Variants in ZNF254 observed in about 807,000 individuals in gnomAD.
The protein encoded by ZNF254 is CTD-2017D11.1.
In ZNF254, 10 loss-of-function variants were observed where a neutral mutation model predicts 12.4. The ratio of observed to expected loss-of-function variants is 0.80; its 90% CI spans 0.50 to 1.36. ZNF254 has a LOEUF of 1.36. Among genes scored for constraint, ZNF254 ranks in the 40% most tolerant of loss-of-function variants. ZNF254 has a pLI of 0.00. For missense variants in ZNF254, 996 were observed against 763.9 expected (o/e 1.30, Z -3.58); for synonymous variants, 305 against 253.4 (o/e 1.20, Z -1.93).
rs1974825247 is a variant in ZNF254 at position 24,126,249 on chromosome 19, T to G, written c.254-5T>G. On this transcript the variant is annotated splice_region_variant and splice_polypyrimidine_tract_variant and intron_variant, in intron 3 of 3. Coordinates refer to ENST00000357002, the MANE Select transcript of ZNF254 (RefSeq NM_203282.4). ...GTAATTTATTTATTTTTATTTTTTT[T>G]TCAGGTATGTGTCCTCATTTTGCTC... 7.0e-7 allele frequency: 1 copy of G among 1,420,652 alleles called. No homozygotes were observed. The highest frequency in any genetic ancestry group is 2.4e-5 in the East Asian group (1 of 40,988). 88.0% of individuals were successfully genotyped at this position (1,420,652 alleles called of 1,614,324 possible). A position where few individuals can be genotyped will look rare whatever the true frequency, so the allele number is the denominator to read the frequency against.
intron 1 of ZNF254, among the ~76,000 whole-genome samples, chr19:24,044,234 G>A (rs1301993715): frequency 9.1e-6 from 1 of 109,790 alleles, no homozygotes; most frequent in African/African-American, 3.5e-5. Flanking sequence ...GCAAGACTCC[G>A]TTTAAAAAAA....
chr19:24,043,110 G>T lies in ZNF254; in HGVS notation c.-189-3074G>T, dbSNP rs1439433001. Among the ~76,000 whole-genome samples the T allele has an allele frequency of 3.3e-5, 5 of 151,896 alleles. No homozygotes were observed. The East Asian group carries it at 9.6e-4, about 29-fold the overall frequency. On this transcript the variant is annotated intron_variant, in intron 1 of 4. Transcript: ENST00000613065. ...TTTGAAACTGGAAGTTCTAAAAAAGGTATCAGTTTTGTAGGTTTTTATTTT... is the reference window on the plus strand; with the variant it reads ...TTTGAAACTGGAAGTTCTAAAAAAGTTATCAGTTTTGTAGGTTTTTATTTT...
At chr19:24,061,983 G>C (rs1971087413) in intron 2 of ZNF254, among the ~76,000 whole-genome samples, 1 of 151,698 alleles carries the variant, frequency 6.6e-6, no homozygotes, top group Non-Finnish European at 1.5e-5. Flanking sequence ...TACTCGGGAG[G>C]CTGAGGCAGG....
At chr19:24,099,908 CAG>C (rs1292707900) in intron 1 of ZNF254, among the ~76,000 whole-genome samples, 2 of 152,146 alleles carry the variant, frequency 1.3e-5, no homozygotes, top group African/African-American at 4.8e-5. Context: ...ATTTTCCAAA[CAG>C]TGTCTAGAAT....
chr19:24,100,351 C>T (rs1355401843), intron 1 of ZNF254, among the ~76,000 whole-genome samples: 2 of 148,406 alleles, frequency 1.3e-5, no homozygotes, highest in Admixed American at 1.4e-4. Context: ...GGACCTAAAT[C>T]TGCAGCTCTG....
chr19:24,121,024 C>T (rs1310204533), intron 3 of ZNF254, among the ~76,000 whole-genome samples: 1 of 151,190 alleles, frequency 6.6e-6, no homozygotes, highest in Non-Finnish European at 1.5e-5. Context: ...CAGGCATGAG[C>T]CACAGTGCCT....
intron 1 of ZNF254, among the ~76,000 whole-genome samples, chr19:24,034,010 G>T (rs558790732): frequency 6.6e-6 from 1 of 152,338 alleles, no homozygotes; most frequent in South Asian, 2.1e-4. Flanking sequence ...TGTCGCCCAG[G>T]CTGGAGTGCA....
intron 3 of ZNF254, among the ~76,000 whole-genome samples, chr19:24,122,629 G>A (rs912449309): frequency 8.0e-5 from 12 of 150,556 alleles, no homozygotes; most frequent in Non-Finnish European, 1.3e-4. Context: ...TTTGTGGCTG[G>A]CTCATTTCAT....
upstream of ZNF254, among the ~76,000 whole-genome samples, chr19:24,085,210 G>C (rs1599669070): frequency 6.6e-6 from 1 of 151,528 alleles, no homozygotes; most frequent in East Asian, 1.9e-4. Flanking sequence ...GGGACTACAG[G>C]CGTGAGCCAC....
At chr19:24,100,290 G>A (rs1972934393) in intron 1 of ZNF254, among the ~76,000 whole-genome samples, 1 of 149,568 alleles carries the variant, frequency 6.7e-6, no homozygotes, top group Non-Finnish European at 1.5e-5. Flanking sequence ...CCCTTCTCTC[G>A]CTAAAATGCT....
intron 2 of ZNF254, among the ~76,000 whole-genome samples, chr19:24,069,594 G>A (rs1172124799): frequency 8.8e-6 from 1 of 113,672 alleles, no homozygotes; most frequent in Non-Finnish European, 1.7e-5. Flanking sequence ...GACAGAGTGA[G>A]ACTCCATCTC....
intron 1 of ZNF254, among the ~76,000 whole-genome samples, chr19:24,101,998 C>G (rs999431704): frequency 2.0e-5 from 3 of 152,194 alleles, no homozygotes; most frequent in African/African-American, 7.2e-5. Context: ...AAGAGATAAA[C>G]TAATTGCTTC....
intron 1 of ZNF254, among the ~76,000 whole-genome samples, chr19:24,036,851 G>A (rs529460817): frequency 3.5e-4 from 53 of 152,284 alleles, no homozygotes; most frequent in African/African-American, 1.3e-3. Flanking sequence ...GCCTACTAAT[G>A]AACATACCCA....
intron 2 of ZNF254, among the ~76,000 whole-genome samples, chr19:24,075,453 C>T (rs371028542): frequency 3.3e-5 from 5 of 152,148 alleles, no homozygotes; most frequent in East Asian, 3.9e-4. Context: ...GGGGTGACAT[C>T]ACATGTCAGC....
chr19:24,079,151 A>G (rs994633879), intron 2 of ZNF254: 1 of 152,150 alleles, frequency 6.6e-6, no homozygotes, highest in African/African-American at 2.4e-5. Flanking sequence ...TCAGAATGAA[A>G]CCCTGCAGCA....
chr19:24,042,794 T>G (rs1240906143), intron 1 of ZNF254, among the ~76,000 whole-genome samples: 1 of 152,240 alleles, frequency 6.6e-6, no homozygotes, highest in Non-Finnish European at 1.5e-5. Context: ...GCAGTAATTA[T>G]GGGCCCATCT....
chr19:24,087,406 G>C (rs1972092183), intron 1 of ZNF254, 69 bp downstream of exon 1: 1 of 1,605,310 alleles, frequency 6.2e-7, no homozygotes, highest in Admixed American at 1.7e-5. Context: ...AAGCGGCTGT[G>C]GCGGGACTCA....
intron 2 of ZNF254, among the ~76,000 whole-genome samples, chr19:24,081,053 G>A (rs1021676025): frequency 6.6e-6 from 1 of 151,062 alleles, no homozygotes; most frequent in Non-Finnish European, 1.5e-5. Context: ...CTCCAGCCTG[G>A]GCGACAGAGT....
chr19:24,111,636 A>T (rs62114843), intron 3 of ZNF254, among the ~76,000 whole-genome samples: 1 of 152,112 alleles, frequency 6.6e-6, no homozygotes, highest in Admixed American at 6.5e-5. Flanking sequence ...CTTTTTAATG[A>T]TCGCCATTCT....
Sources: gnomAD v4.1 joint callset for allele counts (sites outside exome capture counted in the v4.1 genomes callset) on GRCh38, gnomAD v4.1.1 for gene constraint, MANE v1.5 for transcripts, NCBI Gene and HGNC (gene_info 2026-07-23, HGNC 2026-07-21) for gene names.